The following CELF2 variants were observed in gnomAD, a reference collection of about 807,000 sequenced individuals.
CELF2 encodes the protein CUG triplet repeat RNA-binding protein 2.
CELF2 carries 8 observed loss-of-function variants against 62.6 expected under a neutral mutation model. The observed-to-expected ratio is 0.13, with a 90% CI of 0.07 to 0.23. CELF2 has a LOEUF of 0.23. Among genes scored for constraint, CELF2 ranks in the 10% least tolerant of loss-of-function variants. CELF2 has a pLI of 1.00. For missense variants in CELF2, 333 were observed against 671.0 expected, an observed-to-expected ratio of 0.50 and a Z score of 5.56; for synonymous variants, 258 against 250.0, an observed-to-expected ratio of 1.03 and a Z score of -0.30.
rs549511567 is a variant in CELF2 at position 10,987,675 on chromosome 10, A to G, written c.89+67676A>G. Among the ~76,000 whole-genome samples the G allele has an allele frequency of 3.9e-5, 6 of 152,302 alleles. No homozygotes were observed. The South Asian group carries it at 6.2e-4, about 16-fold the overall frequency. ...TTATAATATTAACATACTATAACACATCACCTCAGTAGATCAATAAGAAAA... is the reference window on the plus strand; with the variant it reads ...TTATAATATTAACATACTATAACACGTCACCTCAGTAGATCAATAAGAAAA... On this transcript the variant is annotated intron_variant, in intron 2 of 13. Coordinates refer to the CELF2 transcript ENST00000636488.
At chr10:10,831,016 G>GT (rs1372282664) in intron 1 of CELF2, among the ~76,000 whole-genome samples, 1 of 152,202 alleles carries the variant, frequency 6.6e-6, no homozygotes, top group Non-Finnish European at 1.5e-5. Flanking sequence ...TAAATGTTGG[G>GT]TTTGTGTGAG....
intron 2 of CELF2, among the ~76,000 whole-genome samples, chr10:11,193,735 A>C (rs1325748381): frequency 1.3e-5 from 2 of 152,214 alleles, no homozygotes; most frequent in African/African-American, 4.8e-5. Flanking sequence ...TAACCAAAAG[A>C]ATGTGATCTT....
At chr10:11,263,250 G>C (rs1353881757) in intron 5 of CELF2, among the ~76,000 whole-genome samples, 1 of 151,996 alleles carries the variant, frequency 6.6e-6, no homozygotes, top group African/African-American at 2.4e-5. Context: ...TTAGCAATTC[G>C]TAACATTCTG....
chr10:11,003,851 A>T (rs2054773453), upstream of CELF2, among the ~76,000 whole-genome samples: 1 of 152,230 alleles, frequency 6.6e-6, no homozygotes, highest in Admixed American at 6.5e-5. The surrounding 1 kb of genome is among the most constrained non-coding windows in gnomAD (Gnocchi z 4.4). Flanking sequence ...ATGTAAAAAA[A>T]AAATGGGGTT....
At chr10:11,127,478 C>T (rs2058903817) in intron 1 of CELF2, among the ~76,000 whole-genome samples, 1 of 152,174 alleles carries the variant, frequency 6.6e-6, no homozygotes, top group Admixed American at 6.5e-5. Flanking sequence ...CACTGTCTTC[C>T]ACAATGGTTG....
intron 1 of CELF2, among the ~76,000 whole-genome samples, chr10:11,128,673 C>G (rs2059127925): frequency 6.6e-6 from 1 of 152,128 alleles, no homozygotes; most frequent in Non-Finnish European, 1.5e-5. Context: ...ATTTGGCTCT[C>G]TGTTTGTCTG....
chr10:11,010,326 G>A lies in CELF2; in HGVS notation c.53+4886G>A, dbSNP rs772145233. 1.3e-5 allele frequency: 2 copies of A among 152,236 alleles called. No individual in the cohort carries two copies. The highest frequency in any genetic ancestry group is 2.9e-5 in the Non-Finnish European group (2 of 68,062). 9.4% of individuals were successfully genotyped at this position (152,236 alleles called of 1,614,324 possible). On this transcript the variant is annotated intron_variant, in intron 1 of 12. Transcript: ENST00000416382. This position sits in a 1 kb window ranked among gnomAD's most constrained non-coding sequence, Gnocchi z 4.1. Reference sequence around the variant, plus strand: ...ACGATAACCTCCCTCTTCCCTCTGGGTCTGGCTACAGGCCTTAGAAGTATC... The same window carrying A: ...ACGATAACCTCCCTCTTCCCTCTGGATCTGGCTACAGGCCTTAGAAGTATC...
chr10:11,134,620 G>A (rs888215043), intron 1 of CELF2, among the ~76,000 whole-genome samples: 9 of 152,148 alleles, frequency 5.9e-5, no homozygotes, highest in African/African-American at 1.9e-4. Flanking sequence ...CTCTGTTACC[G>A]CTGTCTCCAG....
the CELF2 span, among the ~76,000 whole-genome samples, chr10:10,671,200 G>T: frequency 6.5e-5 from 8 of 122,260 alleles, no homozygotes; most frequent in Admixed American, 7.9e-5. Context: ...AGAATTATCT[G>T]TCTCAAAAAA....
the CELF2 span, among the ~76,000 whole-genome samples, chr10:10,648,697 T>G: frequency 6.6e-6 from 1 of 152,220 alleles, no homozygotes; most frequent in Admixed American, 6.5e-5. Flanking sequence ...TACAGCTTGT[T>G]GAAGAATATT....
intron 2 of CELF2, among the ~76,000 whole-genome samples, chr10:11,188,749 T>G (rs540717591): frequency 3.3e-4 from 50 of 152,364 alleles, no homozygotes; most frequent in African/African-American, 1.2e-3. Context: ...CTCTCAACTC[T>G]CCTTGTAGAC....
the CELF2 span, among the ~76,000 whole-genome samples, chr10:10,689,447 G>T: frequency 9.2e-5 from 14 of 151,906 alleles, no homozygotes; most frequent in African/African-American, 3.1e-4. Flanking sequence ...TATTTGGGTG[G>T]GGACACAGAG....
At chr10:10,529,611 A>C in the CELF2 span, among the ~76,000 whole-genome samples, 21 of 146,210 alleles carry the variant, frequency 1.4e-4, no homozygotes, top group African/African-American at 5.3e-4. Context: ...TTGAACTCGG[A>C]AGGCGGAGGT....
chr10:10,616,819 C>T, the CELF2 span, among the ~76,000 whole-genome samples: 3 of 151,938 alleles, frequency 2.0e-5, no homozygotes, highest in Non-Finnish European at 4.4e-5. Flanking sequence ...AACTCCTGGG[C>T]TCAAGCGATC....
At chr10:10,833,056 T>C (rs2058007866) in intron 1 of CELF2, among the ~76,000 whole-genome samples, 1 of 151,952 alleles carries the variant, frequency 6.6e-6, no homozygotes, top group South Asian at 2.1e-4. Context: ...TGTGTGTATT[T>C]TTAAAGTCAG....
chr10:11,243,559 G>A lies in CELF2; in HGVS notation c.355-5594G>A, dbSNP rs1355848561. 1.3e-5 allele frequency among the ~76,000 whole-genome samples: 2 copies of A among 152,192 alleles called. No individual in the cohort carries two copies. Among genetic ancestry groups the A allele is most frequent in the Non-Finnish European group, 2.9e-5 (2 of 68,038 alleles). ...AAGCATGCTGCGGCCTTGCGTGAGA[G>A]GACCAGAGATCTCCTGTCGTCTTCC... On this transcript the variant is annotated intron_variant, in intron 3 of 12. Transcript: ENST00000633077. This position sits in a 1 kb window ranked among gnomAD's most constrained non-coding sequence, Gnocchi z 4.1.
At chr10:10,825,251 C>A (rs1346867844) in intron 1 of CELF2, among the ~76,000 whole-genome samples, 2 of 152,090 alleles carry the variant, frequency 1.3e-5, no homozygotes, top group Admixed American at 6.6e-5. Context: ...GCTCTGTCAC[C>A]CAGGCTGGAG....
In CELF2 at chr10:11,321,464, C is replaced by G. The variant is rs2095432242; in HGVS notation, c.1294+78C>G. 2.7e-6 allele frequency: 3 copies of G among 1,109,978 alleles called. No homozygotes were observed. Among genetic ancestry groups the G allele is most frequent in the Non-Finnish European group, 3.9e-6 (3 of 772,096 alleles). 68.8% of individuals were successfully genotyped at this position (1,109,978 alleles called of 1,614,324 possible). ...CCTCTAGAGCACGGTTAGAAGGTATCAAATTGAACTGAACCCATGTCATAA... is the reference window on the plus strand; with the variant it reads ...CCTCTAGAGCACGGTTAGAAGGTATGAAATTGAACTGAACCCATGTCATAA... On this transcript the variant is annotated intron_variant, in intron 11 of 12. Coordinates refer to ENST00000633077, the MANE Select transcript of CELF2 (RefSeq NM_001326342.2). The surrounding 1 kb of genome is among the most constrained non-coding windows in gnomAD (Gnocchi z 6.2).
chr10:11,233,326 A>C (rs2069608321), intron 3 of CELF2, among the ~76,000 whole-genome samples: 1 of 152,184 alleles, frequency 6.6e-6, no homozygotes, highest in Admixed American at 6.5e-5. Flanking sequence ...GTACTTTTTC[A>C]GAGACTGCAA....
Sources: gnomAD v4.1 joint callset for allele counts (sites outside exome capture counted in the v4.1 genomes callset) on GRCh38, gnomAD v4.1.1 for gene constraint, Gnocchi (gnomAD v3.1) non-coding constraint, MANE v1.5 for transcripts, NCBI Gene and HGNC (gene_info 2026-07-23, HGNC 2026-07-21) for gene names.